Variants in LARP4B observed in about 807,000 individuals in gnomAD.
LARP4B encodes la-related protein 4B.
In LARP4B, 12 loss-of-function variants were observed where a neutral mutation model predicts 89.8. That is an observed-to-expected ratio of 0.13 (90% CI 0.09 to 0.22). The LOEUF (loss-of-function observed/expected upper bound fraction) is 0.22. LARP4B is among the 10% of genes least tolerant of loss of function. The pLI, the probability that LARP4B is intolerant of heterozygous loss-of-function variation, is 1.00. For synonymous variants in LARP4B, 367 were observed against 363.3 expected (o/e 1.01, Z -0.12); for missense variants, 757 against 947.7 (o/e 0.80, Z 2.64).
At chr10:935,668 C>T (rs1226635280), upstream of LARP4B, among the ~76,000 whole-genome samples, 1 of 151,300 alleles carries the variant, frequency 6.6e-6, no homozygotes, top group Non-Finnish European at 1.5e-5. Context: ...CAGAGGCCTA[C>T]ATTTCAAGTG....
chr10:814,748 G>T lies in LARP4B; in HGVS notation c.1923C>A (p.Ala641=). The change falls in exon 17 of 18, where the codon GCC becomes GCA. Residue 641 remains alanine (A), a synonymous_variant. Transcript: ENST00000316157. The surrounding 1 kb of genome is among the most constrained non-coding windows in gnomAD (Gnocchi z 4.4). ...GCAGGCACGAGGTACGTACCGTGGC[G>T]GCTCCGTTCACCTGCACCGATTTAC... ...TACKSVQVNG[A]ATELRKPSYA... The T allele has an allele frequency of 6.3e-7, 1 of 1,591,700 alleles. No homozygotes were observed. Among genetic ancestry groups the T allele is most frequent in the Non-Finnish European group, 8.6e-7 (1 of 1,168,628 alleles).
chr10:978,692 TATTA>T, the LARP4B span, among the ~76,000 whole-genome samples: 5 of 152,216 alleles, frequency 3.3e-5, no homozygotes, highest in African/African-American at 9.7e-5. Context: ...TTATAGGCTT[TATTA>T]ATTATGTGTT....
At chr10:904,530 C>T (rs1327983934) in intron 1 of LARP4B, among the ~76,000 whole-genome samples, 1 of 151,682 alleles carries the variant, frequency 6.6e-6, no homozygotes, top group Non-Finnish European at 1.5e-5. Context: ...CACTGCACTC[C>T]AGCCTGGGCA....
chr10:900,487 G>A (rs990976032), intron 1 of LARP4B, among the ~76,000 whole-genome samples: 3 of 117,816 alleles, frequency 2.5e-5, no homozygotes, highest in African/African-American at 3.3e-5. Context: ...CCATGCTGGA[G>A]TGCAGTGGCC....
rs910533895 is a variant in LARP4B, at chr10:812,639, A to G, written c.*287T>C. On this transcript the variant is annotated 3_prime_UTR_variant, in exon 18 of 18. Coordinates refer to ENST00000316157, the MANE Select transcript of LARP4B (RefSeq NM_015155.3). The stretch of plus-strand genomic sequence containing the variant: ...CATGGAGGCTTAATAAAAAATACCA[A>G]TTTGTTAGGATAAATGCTTTTTCTA... 3 of 282,614 alleles carry G rather than the reference A, an allele frequency of 1.1e-5. No homozygotes were observed. Among genetic ancestry groups the G allele is most frequent in the Non-Finnish European group, 1.9e-5 (3 of 154,142 alleles). The allele number at this position is 282,614 out of a possible 1,614,324, so 17.5% of individuals were successfully genotyped here.
the LARP4B span, among the ~76,000 whole-genome samples, chr10:980,267 T>C: frequency 6.6e-6 from 1 of 152,100 alleles, no homozygotes; most frequent in Non-Finnish European, 1.5e-5. Context: ...CTTTTCCAGG[T>C]GTAGGGTGCA....
In LARP4B at chr10:814,943, C is replaced by CA. The variant is rs1317270179; in HGVS notation, c.1820+2dup. On this transcript the variant is annotated splice_region_variant and intron_variant, in intron 16 of 17. Coordinates refer to ENST00000316157, the MANE Select transcript of LARP4B (RefSeq NM_015155.3). The surrounding 1 kb of genome is among the most constrained non-coding windows in gnomAD (Gnocchi z 4.4). ...AAGGCGCTGGAAGAACACCAATACT[C>CA]ACTCGGGTAAATGAGCTGGGGAGGG... is the stretch of plus-strand genomic sequence containing the variant. 1 of 1,590,250 alleles carries CA rather than the reference C, an allele frequency of 6.3e-7. No individual in the cohort carries two copies. The highest frequency in any genetic ancestry group is 1.3e-5 in the African/African-American group (1 of 74,404).
At chr10:926,188 T>A (rs1003714925) in intron 1 of LARP4B, among the ~76,000 whole-genome samples, 9 of 152,176 alleles carry the variant, frequency 5.9e-5, no homozygotes, top group Non-Finnish European at 1.2e-4. Flanking sequence ...AAAAAGAGAA[T>A]CTCACTCACA....
At chr10:967,699 C>T in the LARP4B span, among the ~76,000 whole-genome samples, 2 of 152,296 alleles carry the variant, frequency 1.3e-5, no homozygotes, top group Non-Finnish European at 2.9e-5. Context: ...CAGGGGGCAA[C>T]AGAGGGAGGA....
At chr10:965,623 C>T in the LARP4B span, among the ~76,000 whole-genome samples, 18 of 151,778 alleles carry the variant, frequency 1.2e-4, 1 homozygote, top group Non-Finnish European at 2.5e-4. Context: ...CTGCACTAAC[C>T]AGGTGCTGAT....
intron 14 of LARP4B, chr10:820,203 C>A (rs1216924960): frequency 6.6e-6 from 1 of 152,432 alleles, no homozygotes; most frequent in Middle Eastern, 3.2e-3. Context: ...CCACTAAAGA[C>A]CAGCACAAAC....
chr10:807,836 C>T (rs1215584903), downstream of LARP4B: 1 of 152,394 alleles, frequency 6.6e-6, no homozygotes, highest in Admixed American at 6.5e-5. Context: ...TCCTTCCTGG[C>T]CTATGGTCTC....
Position 819,749 on chromosome 10 carries a change from T to C in LARP4B, c.1530+1051A>G, listed in dbSNP as rs145576143. The C allele has an allele frequency of 5.9e-5, 9 of 152,352 alleles. No homozygotes were observed. The East Asian group carries it at 1.5e-3, about 26-fold the overall frequency. The allele number at this position is 152,352 out of a possible 1,614,324, so 9.4% of individuals were successfully genotyped here. A position where few individuals can be genotyped will look rare whatever the true frequency, so the allele number is the denominator to read the frequency against. ...TTGCAATTAACTGGTAAAAACTGCCTTACCAACTAGTTAAACAAAAACTAG... is the reference window on the plus strand; with the variant it reads ...TTGCAATTAACTGGTAAAAACTGCCCTACCAACTAGTTAAACAAAAACTAG... On this transcript the variant is annotated intron_variant, in intron 14 of 17. Transcript: ENST00000316157.
At chr10:888,599 T>C (rs1456610131) in intron 1 of LARP4B, among the ~76,000 whole-genome samples, 2 of 152,102 alleles carry the variant, frequency 1.3e-5, no homozygotes, top group Admixed American at 1.3e-4. Context: ...AAACTTCTAA[T>C]TAAAGACCCA....
intron 3 of LARP4B, among the ~76,000 whole-genome samples, chr10:882,250 TAA>T (rs966208312): frequency 1.3e-5 from 2 of 152,106 alleles, no homozygotes; most frequent in Non-Finnish European, 2.9e-5. Context: ...TATACTTTAA[TAA>T]AGTTTTTTTT....
the LARP4B span, among the ~76,000 whole-genome samples, chr10:966,082 GTGTA>G: frequency 5.7e-3 from 721 of 126,098 alleles, 3 homozygotes; most frequent in Non-Finnish European, 8.8e-3. Flanking sequence ...GTGTGTGTGT[GTGTA>G]TGAGATTTTA....
chr10:916,578 C>G (rs1836828147), intron 1 of LARP4B, among the ~76,000 whole-genome samples: 1 of 152,108 alleles, frequency 6.6e-6, no homozygotes, highest in African/African-American at 2.4e-5. Context: ...GCCTGTAATC[C>G]CAGATACTTG....
chr10:863,539 C>A (rs1403204143), intron 5 of LARP4B, among the ~76,000 whole-genome samples: 3 of 152,108 alleles, frequency 2.0e-5, no homozygotes, highest in Non-Finnish European at 2.9e-5. Flanking sequence ...CAGGTTTCAT[C>A]TTTTGAGACC....
chr10:825,234 T>G lies in LARP4B; in HGVS notation c.1315A>C (p.Asn439His). ...PGLLESPSIFNFTADRLINGV... is the reference protein window; with the variant it reads ...PGLLESPSIFHFTADRLINGV... ...TTAATTAATCGATCTGCAGTGAAGT[T>G]AAATATTGAAGGACTTTCTAATAAC... Residue 439 changes from asparagine to histidine, a missense_variant, in exon 13 of 18, where the codon AAC (asparagine) becomes CAC (histidine). By Grantham distance (68) the Asn-to-His change is moderately conservative (BLOSUM62 1). This residue lies in a region of LARP4B where 387 missense variants were observed against 423.6 expected (regional missense o/e 0.91). Transcript: ENST00000316157. 1 of 1,614,204 alleles carries G rather than the reference T, an allele frequency of 6.2e-7. No individual in the cohort carries two copies. The highest frequency in any genetic ancestry group is 8.5e-7 in the Non-Finnish European group (1 of 1,180,042).
Sources: gnomAD v4.1 joint callset for allele counts (sites outside exome capture counted in the v4.1 genomes callset) on GRCh38, gnomAD v4.1.1 for gene constraint, gnomAD v4.1.1 regional missense constraint, Gnocchi (gnomAD v3.1) non-coding constraint, MANE v1.5 for transcripts, NCBI Gene and HGNC (gene_info 2026-07-23, HGNC 2026-07-21) for gene names.